The following SPHKAP variants were observed in gnomAD, a reference collection of about 807,000 sequenced individuals.
The protein encoded by SPHKAP is SPHK1 interactor, AKAP domain containing, also known as A-kinase anchor protein SPHKAP.
SPHKAP carries 67 observed loss-of-function variants against 137.5 expected under a neutral mutation model. That is an observed-to-expected ratio of 0.49 (90% confidence interval 0.40 to 0.60). The LOEUF (loss-of-function observed/expected upper bound fraction) is 0.60. SPHKAP is among the 20% of genes least tolerant of loss of function. The pLI, the probability that SPHKAP is intolerant of heterozygous loss-of-function variation, is 0.00. For missense variants in SPHKAP, 2,097 were observed against 2,069.3 expected (o/e 1.01, Z -0.26); for synonymous variants, 813 against 785.3 (o/e 1.04, Z -0.59).
intron 3 of SPHKAP, among the ~76,000 whole-genome samples, chr2:228,098,044 T>A (rs1444279971): frequency 6.6e-6 from 1 of 152,236 alleles, no homozygotes; most frequent in Non-Finnish European, 1.5e-5. Context: ...TTTAATTTAT[T>A]TGAGAAATCT....
chr2:228,078,366 C>T (rs975773566), intron 3 of SPHKAP, among the ~76,000 whole-genome samples: 29 of 149,442 alleles, frequency 1.9e-4, no homozygotes, highest in South Asian at 1.9e-3. Flanking sequence ...TGCTCTAGAA[C>T]AGATGTTGGC....
At chr2:228,025,354 T>C (rs764101986) in intron 5 of SPHKAP, 40 bp downstream of exon 5, 28 of 1,610,572 alleles carry the variant, frequency 1.7e-5, no homozygotes, top group Non-Finnish European at 2.3e-5. Flanking sequence ...GAGCTAACTA[T>C]AGATGTAAGT....
At chr2:228,011,378 C>T (rs150256531) in intron 7 of SPHKAP, among the ~76,000 whole-genome samples, 88 of 152,278 alleles carry the variant, frequency 5.8e-4, no homozygotes, top group African/African-American at 2.0e-3. Flanking sequence ...TTCCTGGTTT[C>T]CACTAGCCTT....
chr2:228,035,912 C>T (rs1052985667), intron 3 of SPHKAP, among the ~76,000 whole-genome samples: 1 of 151,562 alleles, frequency 6.6e-6, no homozygotes, highest in Non-Finnish European at 1.5e-5. Context: ...CATGTTAGAC[C>T]TAAAACCATA....
At chr2:228,142,272 T>C (rs35034445) in intron 1 of SPHKAP, among the ~76,000 whole-genome samples, 13,852 of 150,046 alleles carry the variant, frequency 0.092, 805 homozygotes, top group Middle Eastern at 0.13. Flanking sequence ...AAGAAATCTT[T>C]GTTGTTAAAT....
At chr2:227,984,178 T>C (rs1253451664) in intron 11 of SPHKAP, among the ~76,000 whole-genome samples, 24 of 151,738 alleles carry the variant, frequency 1.6e-4, no homozygotes, top group Admixed American at 1.6e-3. Flanking sequence ...CATGCACCTG[T>C]AATCACAGCT....
chr2:228,048,238 C>T (rs1191507727), intron 3 of SPHKAP, among the ~76,000 whole-genome samples: 2 of 151,508 alleles, frequency 1.3e-5, no homozygotes, highest in Non-Finnish European at 2.9e-5. Flanking sequence ...GGAGATCAAC[C>T]CTGACGTAAA....
At chr2:228,057,854 A>G (rs920971673) in intron 3 of SPHKAP, among the ~76,000 whole-genome samples, 3 of 152,182 alleles carry the variant, frequency 2.0e-5, no homozygotes, top group Admixed American at 6.5e-5. Flanking sequence ...TAGGAAGCCA[A>G]TGAGAAGAAA....
chr2:228,170,982 G>T (rs181220702), intron 1 of SPHKAP, among the ~76,000 whole-genome samples: 1 of 152,140 alleles, frequency 6.6e-6, no homozygotes, highest in African/African-American at 2.4e-5. Context: ...AGATACTCAG[G>T]TCATAAACTT....
At chr2:228,075,126 C>T (rs921393540) in intron 3 of SPHKAP, among the ~76,000 whole-genome samples, 1 of 152,030 alleles carries the variant, frequency 6.6e-6, no homozygotes, top group African/African-American at 2.4e-5. Context: ...GCAGGAAGAA[C>T]ATAATTATGA....
At chr2:228,113,183 GAT>G (rs2106352942) in intron 2 of SPHKAP, among the ~76,000 whole-genome samples, 1 of 133,482 alleles carries the variant, frequency 7.5e-6, no homozygotes, top group South Asian at 2.3e-4. Context: ...ATTAAAATAA[GAT>G]ATATTTTTCC....
In SPHKAP at chr2:228,019,269, G is replaced by C; in HGVS notation, c.1585C>G (p.Pro529Ala). ...LKMEQVVSNF[P>A]PGSSGALQTQ... ...TGCAGTGCACCACTGCTCCCTGGGG[G>C]AAAGTTCGAGACCACTTGCTCCATT... The change falls in exon 7 of 12, where the codon CCC becomes GCC. Residue 529 changes from proline (P) to alanine (A), a missense_variant. By Grantham distance (27) the Pro-to-Ala change is conservative (BLOSUM62 -1). Coordinates refer to ENST00000392056, the MANE Select transcript of SPHKAP (RefSeq NM_001142644.2). 4 of 1,614,014 alleles carry C rather than the reference G, an allele frequency of 2.5e-6. No individual in the cohort carries two copies. The highest frequency in any genetic ancestry group is 3.4e-6 in the Non-Finnish European group (4 of 1,180,018).
At chr2:227,983,417 T>C (rs1693079721) in intron 11 of SPHKAP, among the ~76,000 whole-genome samples, 1 of 152,186 alleles carries the variant, frequency 6.6e-6, no homozygotes, top group Non-Finnish European at 1.5e-5. Context: ...AATATAAACA[T>C]TGTCTTAAAG....
chr2:228,010,373 G>A lies in SPHKAP; in HGVS notation c.4448+6033C>T, dbSNP rs118069734. 5.4e-3 allele frequency among the ~76,000 whole-genome samples: 815 copies of A among 151,986 alleles called. 23 individuals are homozygous for A. In the East Asian group the frequency reaches 0.076, roughly 14 times the overall value. On this transcript the variant is annotated intron_variant, in intron 7 of 11. Transcript: ENST00000392056. ...GAAACCCCGTCTCTACTAAAAATACGAAAGAAAAATTAGCTGGGTGTGGTG... is the reference window on the plus strand; with the variant it reads ...GAAACCCCGTCTCTACTAAAAATACAAAAGAAAAATTAGCTGGGTGTGGTG...
chr2:228,067,505 C>CAGAAA (rs1183572774), intron 3 of SPHKAP, among the ~76,000 whole-genome samples: 1 of 152,144 alleles, frequency 6.6e-6, no homozygotes. Flanking sequence ...AGGGCTGAAC[C>CAGAAA]AGAAACAGCC....
At position 228,017,159 on chromosome 2, in the gene SPHKAP, A is replaced by G; in HGVS notation, c.3695T>C (p.Val1232Ala). 6.2e-7 allele frequency: 1 copy of G among 1,613,988 alleles called. No individual in the cohort carries two copies. The highest frequency in any genetic ancestry group is 1.1e-5 in the South Asian group (1 of 91,070). Reference sequence around the variant, plus strand: ...TGGCATGGACGACTGTCTGTGGCACACTGGGGATCGCAGAGAAGGAGACAG... The same window carrying G: ...TGGCATGGACGACTGTCTGTGGCACGCTGGGGATCGCAGAGAAGGAGACAG... Reference protein sequence around the residue: ...GLLSPSLRSPVCHRQSSMPDS... With the variant: ...GLLSPSLRSPACHRQSSMPDS... Residue 1232 changes from valine (V) to alanine (A), a missense_variant, in exon 7 of 12, where the codon GTG becomes GCG. Coordinates refer to ENST00000392056, the MANE Select transcript of SPHKAP (RefSeq NM_001142644.2).
intron 1 of SPHKAP, among the ~76,000 whole-genome samples, chr2:228,153,595 T>C (rs1700004233): frequency 6.6e-6 from 1 of 152,242 alleles, no homozygotes; most frequent in Non-Finnish European, 1.5e-5. Context: ...CTAGTTATTT[T>C]TTAAAAAGGT....
At chr2:228,015,175 G>GT (rs1248209975) in intron 7 of SPHKAP, among the ~76,000 whole-genome samples, 1 of 150,394 alleles carries the variant, frequency 6.6e-6, no homozygotes, top group Non-Finnish European at 1.5e-5. Context: ...GCAGTGTTTG[G>GT]TTTTTTGTCC....
intron 3 of SPHKAP, among the ~76,000 whole-genome samples, chr2:228,048,292 T>G (rs904649679): frequency 1.3e-5 from 2 of 149,252 alleles, no homozygotes; most frequent in Non-Finnish European, 3.0e-5. Context: ...AAATCATTCA[T>G]TTCAAGTCTT....
Sources: gnomAD v4.1 joint callset for allele counts (sites outside exome capture counted in the v4.1 genomes callset) on GRCh38, gnomAD v4.1.1 for gene constraint, MANE v1.5 for transcripts, NCBI Gene and HGNC (gene_info 2026-07-23, HGNC 2026-07-21) for gene names.